Variants in STXBP5 observed in about 807,000 individuals in gnomAD.
The protein encoded by STXBP5 is syntaxin-binding protein 5.
A neutral mutation model predicts 152.4 loss-of-function variants in STXBP5; 50 were observed. The ratio of observed to expected loss-of-function variants is 0.33; its 90% CI spans 0.26 to 0.42. The LOEUF is 0.42. Among genes scored for constraint, STXBP5 ranks in the 10% least tolerant of loss-of-function variants. The pLI is 1.00. For synonymous variants in STXBP5, 492 were observed against 494.7 expected, an observed-to-expected ratio of 0.99 and a Z score of 0.07; for missense variants, 1,167 against 1,388.6, an observed-to-expected ratio of 0.84 and a Z score of 2.54.
intron 4 of STXBP5, among the ~76,000 whole-genome samples, chr6:147,241,423 C>G (rs1454817126): frequency 6.6e-6 from 1 of 152,132 alleles, no homozygotes; most frequent in African/African-American, 2.4e-5. Flanking sequence ...GACCGAAAAA[C>G]CAATATGTGT....
Position 147,278,130 on chromosome 6 carries a change from G to C in STXBP5, c.764G>C (p.Ser255Thr), listed in dbSNP as rs2128341681. 1 of 1,612,948 alleles carries C rather than the reference G, an allele frequency of 6.2e-7. No homozygotes were observed. Among genetic ancestry groups the C allele is most frequent in the Non-Finnish European group, 8.5e-7 (1 of 1,179,246 alleles). ...WHHEGKQFIC[S>T]HSDGTLTIWN... ...CATGAAGGAAAACAATTTATTTGCA[G>C]TCATTCAGATGGCACCTTGACTATA... is the stretch of plus-strand genomic sequence containing the variant. Residue 255 changes from serine (S) to threonine (T), a missense_variant, in exon 8 of 28, where the codon AGT (serine) becomes ACT (threonine). Transcript: ENST00000321680.
intron 7 of STXBP5, among the ~76,000 whole-genome samples, 171 bp from the exon 8 acceptor site, chr6:147,277,910 A>G (rs1229549018): frequency 6.6e-6 from 1 of 152,208 alleles, no homozygotes; most frequent in Non-Finnish European, 1.5e-5. Context: ...ATGAAGAAAT[A>G]AAATCTCATT....
chr6:147,307,855 C>A (rs1287695218), intron 9 of STXBP5, among the ~76,000 whole-genome samples: 1 of 152,176 alleles, frequency 6.6e-6, no homozygotes, highest in Non-Finnish European at 1.5e-5. Flanking sequence ...GAAAAACTTA[C>A]TTGCCTTCCG....
At chr6:147,225,542 A>G (rs944850995) in intron 2 of STXBP5, among the ~76,000 whole-genome samples, 1 of 152,222 alleles carries the variant, frequency 6.6e-6, no homozygotes, top group East Asian at 1.9e-4. Flanking sequence ...CTGAAAAGAT[A>G]TATAATCTTA....
At chr6:147,372,230 A>G (rs998147376) in intron 25 of STXBP5, among the ~76,000 whole-genome samples, 10 of 151,864 alleles carry the variant, frequency 6.6e-5, no homozygotes, top group Non-Finnish European at 1.2e-4. Flanking sequence ...ATCTGGGTGG[A>G]GGGATAATGT....
intron 21 of STXBP5, among the ~76,000 whole-genome samples, chr6:147,349,008 T>C (rs1784469513): frequency 6.6e-6 from 1 of 152,148 alleles, no homozygotes; most frequent in Admixed American, 6.5e-5. Context: ...TGTTTCTTTA[T>C]TGTCCAAATT....
chr6:147,379,191 G>C (rs1313834335), intron 26 of STXBP5, among the ~76,000 whole-genome samples: 1 of 152,012 alleles, frequency 6.6e-6, no homozygotes, highest in African/African-American at 2.4e-5. Flanking sequence ...TCTATGTCTG[G>C]GTCCTTAGTC....
intron 19 of STXBP5, among the ~76,000 whole-genome samples, chr6:147,338,431 G>T (rs950788996): frequency 6.6e-6 from 1 of 151,780 alleles, no homozygotes; most frequent in Non-Finnish European, 1.5e-5. Flanking sequence ...ATGTCCAAAC[G>T]TGATCAACCA....
At chr6:147,344,713 T>G (rs1300255136) in intron 21 of STXBP5, among the ~76,000 whole-genome samples, 1 of 152,210 alleles carries the variant, frequency 6.6e-6, no homozygotes, top group Non-Finnish European at 1.5e-5. Flanking sequence ...AATCACTTCT[T>G]TAAAGGCCTG....
chr6:147,325,007 A>C lies in STXBP5; in HGVS notation c.1851A>C (p.Leu617=), dbSNP rs1412180469. Residue 617 remains leucine (L), a synonymous_variant, in exon 17 of 28, where the codon CTA becomes CTC. Transcript: ENST00000321680. The part of the protein sequence containing the change: ...LKQSPGYQTE[L]VIQLVWVGGE... ...AGTCTCCAGGTTATCAAACAGAACT[A>C]GTTATTCAGTTGGTTTGGGTGGGTG... 1 of 1,598,522 alleles carries C rather than the reference A, an allele frequency of 6.3e-7. No homozygotes were observed. The highest frequency in any genetic ancestry group is 8.5e-7 in the Non-Finnish European group (1 of 1,170,518).
chr6:147,231,671 T>C (rs550120504), intron 2 of STXBP5, among the ~76,000 whole-genome samples: 2 of 152,016 alleles, frequency 1.3e-5, no homozygotes, highest in South Asian at 4.1e-4. Flanking sequence ...ATTTCCTCAC[T>C]TAATAAATTT....
chr6:147,233,338 CTT>C, intron 2 of STXBP5, among the ~76,000 whole-genome samples: 1 of 151,726 alleles, frequency 6.6e-6, no homozygotes, highest in South Asian at 2.1e-4. Context: ...AACTGGAAAT[CTT>C]ATACCTGGAT....
At chr6:147,225,412 G>A (rs1269884843) in intron 2 of STXBP5, among the ~76,000 whole-genome samples, 1 of 152,064 alleles carries the variant, frequency 6.6e-6, no homozygotes, top group African/African-American at 2.4e-5. Context: ...TATTTTATGT[G>A]TACTCTAGTC....
chr6:147,310,114 G>T lies in STXBP5; in HGVS notation c.948G>T (p.Leu316Phe). Residue 316 changes from leucine to phenylalanine, a missense_variant, in exon 10 of 28, where the codon TTG becomes TTT. Physicochemically the swap from Leu to Phe is conservative, Grantham distance 22 (BLOSUM62 0). Around this residue, in one of 3 missense-constraint regions of STXBP5, gnomAD observed 24 missense variants for 56.2 expected, o/e 0.43. Transcript: ENST00000321680. ...CTTTTATTATTTTATCAGGAGGTTT[G>T]TCATATGATACTGTAGGAAGAAGAC... ...GEPFIILSGG[L>F]SYDTVGRRPC... 6.4e-7 allele frequency: 1 copy of T among 1,572,056 alleles called. No individual in the cohort carries two copies. Among genetic ancestry groups the T allele is most frequent in the Non-Finnish European group, 8.6e-7 (1 of 1,164,202 alleles).
intron 25 of STXBP5, among the ~76,000 whole-genome samples, chr6:147,372,448 T>G: frequency 9.6e-6 from 1 of 104,578 alleles, no homozygotes; most frequent in South Asian, 3.6e-4. Flanking sequence ...TTTTTTTTTT[T>G]TTTTTTTTTT....
chr6:147,337,753 A>G (rs1783902145), intron 19 of STXBP5, among the ~76,000 whole-genome samples: 2 of 152,128 alleles, frequency 1.3e-5, no homozygotes, highest in South Asian at 2.1e-4. Flanking sequence ...AAACAACTAT[A>G]TGTATTTCTG....
intron 7 of STXBP5, among the ~76,000 whole-genome samples, chr6:147,270,127 G>A (rs778726851): frequency 4.6e-5 from 7 of 152,002 alleles, no homozygotes; most frequent in Non-Finnish European, 7.4e-5. Context: ...GGCCGGGTGC[G>A]GTGGCTCATT....
intron 6 of STXBP5, among the ~76,000 whole-genome samples, 171 bp from the exon 7 acceptor site, chr6:147,266,913 G>T (rs747102001): frequency 4.4e-4 from 67 of 152,076 alleles, no homozygotes; most frequent in Non-Finnish European, 8.8e-4. Flanking sequence ...ATGCCATACA[G>T]TGTTCTCATT....
rs1786484556 is a variant in STXBP5 at position 147,389,334 on chromosome 6, C to T, written c.*4579C>T. On this transcript the variant is annotated 3_prime_UTR_variant, in exon 28 of 28. Transcript: ENST00000321680. ...AAAAAGGGAAAACTGGCTTACCTTT[C>T]TCAGATGAATTAAATGATTTTAATA... is the stretch of plus-strand genomic sequence containing the variant. 6.6e-6 allele frequency: 1 copy of T among 151,782 alleles called. No homozygotes were observed. The highest frequency in any genetic ancestry group is 1.5e-5 in the Non-Finnish European group (1 of 67,756). 9.4% of individuals were successfully genotyped at this position (151,782 alleles called of 1,614,324 possible).
Sources: gnomAD v4.1 joint callset for allele counts (sites outside exome capture counted in the v4.1 genomes callset) on GRCh38, gnomAD v4.1.1 for gene constraint, gnomAD v4.1.1 regional missense constraint, MANE v1.5 for transcripts, NCBI Gene and HGNC (gene_info 2026-07-23, HGNC 2026-07-21) for gene names.